ASPG: variants seen among roughly 807,000 people sequenced by gnomAD.
ASPG encodes asparaginase, also known as 60 kDa lysophospholipase.
A neutral mutation model predicts 63.2 loss-of-function variants in ASPG; 53 were observed. The ratio of observed to expected loss-of-function variants is 0.84; its 90% CI spans 0.67 to 1.05. The LOEUF (loss-of-function observed/expected upper bound fraction) is 1.05. ASPG is among the 50% of genes least tolerant of loss of function. The pLI is 0.00. For missense variants in ASPG, 741 were observed against 794.4 expected, an observed-to-expected ratio of 0.93 and a Z score of 0.81; for synonymous variants, 370 against 355.0, an observed-to-expected ratio of 1.04 and a Z score of -0.48.
intron 12 of ASPG, chr14:104,108,943 G>A (rs1302575314): frequency 4.1e-6 from 4 of 985,234 alleles, no homozygotes; most frequent in East Asian, 1.1e-4. Flanking sequence ...CCTCCCCTGG[G>A]TGCTGGGTGC....
chr14:104,093,448 G>C, intron 2 of ASPG, 43 bp from the exon 3 acceptor site: 3 of 1,520,694 alleles, frequency 2.0e-6, no homozygotes, highest in Non-Finnish European at 2.7e-6. Context: ...GAGGTGCAGA[G>C]CGGGAGCCTG....
In ASPG at chr14:104,104,506, G is replaced by A. The variant is rs1454838077; in HGVS notation, c.936+20G>A. ...GGCATGGTAGTGCCGGGAGATCAGG[G>A]CCTAGCGGGGAAGGGGACAGCCTGA... On this transcript the variant is annotated intron_variant, in intron 8 of 15. Coordinates refer to ENST00000551177, the MANE Select transcript of ASPG (RefSeq NM_001080464.3). 2 of 1,608,132 alleles carry A rather than the reference G, an allele frequency of 1.2e-6. No individual in the cohort carries two copies. The highest frequency in any genetic ancestry group is 1.7e-4 in the Middle Eastern group (1 of 6,046).
chr14:104,108,379 G>A (rs544784248), intron 12 of ASPG: 8 of 984,128 alleles, frequency 8.1e-6, no homozygotes, highest in East Asian at 1.1e-4. Context: ...CCGCCCCCTC[G>A]TCTCCTCCTG....
At chr14:104,094,816 C>A (rs922576020) in intron 3 of ASPG, among the ~76,000 whole-genome samples, 1 of 152,232 alleles carries the variant, frequency 6.6e-6, no homozygotes, top group African/African-American at 2.4e-5. Flanking sequence ...CGTCTTGCCG[C>A]GAGTGGCCAG....
At chr14:104,106,680 C>T in intron 10 of ASPG, 119 bp from the exon 11 acceptor site, 1 of 910,050 alleles carries the variant, frequency 1.1e-6, no homozygotes, top group Non-Finnish European at 1.7e-6. Context: ...TCACCCACGC[C>T]CTGGGATCTG....
intron 12 of ASPG, chr14:104,108,530 G>C (rs1017159920): frequency 3.0e-6 from 3 of 985,310 alleles, no homozygotes; most frequent in African/African-American, 1.7e-5. Context: ...CTATTCCCAG[G>C]CTCCCTAAAT....
intron 1 of ASPG, among the ~76,000 whole-genome samples, chr14:104,087,706 C>T (rs1479706344): frequency 2.0e-5 from 3 of 152,202 alleles, no homozygotes; most frequent in Non-Finnish European, 4.4e-5. Context: ...ACTGCAGTTT[C>T]GTTGAGCTCA....
chr14:104,097,818 T>C (rs2036663142), intron 5 of ASPG, among the ~76,000 whole-genome samples, 181 bp downstream of exon 5: 1 of 150,908 alleles, frequency 6.6e-6, no homozygotes, highest in Non-Finnish European at 1.5e-5. Flanking sequence ...AAGTTCTACG[T>C]TAGAGATACG....
intron 4 of ASPG, 97 bp downstream of exon 4, chr14:104,095,753 C>A: frequency 6.6e-7 from 1 of 1,505,798 alleles, no homozygotes; most frequent in Non-Finnish European, 9.0e-7. Flanking sequence ...CCCGGGCTTC[C>A]TGCTCAGCCC....
At position 104,110,607 on chromosome 14, in the gene ASPG, G is replaced by C. The variant is rs547869365; in HGVS notation, c.1521-895G>C. On this transcript the variant is annotated intron_variant, in intron 13 of 15. Transcript: ENST00000551177. The surrounding 1 kb of genome is among the most constrained non-coding windows in gnomAD (Gnocchi z 4.7). ...GGCTTGGCCTCTTGGAGCAGGTCCAGGAGGGGCCAGTGAGGCCATCCAGCA... is the reference window on the plus strand; with the variant it reads ...GGCTTGGCCTCTTGGAGCAGGTCCACGAGGGGCCAGTGAGGCCATCCAGCA... 1 of 985,352 alleles carries C rather than the reference G, an allele frequency of 1.0e-6. No individual in the cohort carries two copies. Among genetic ancestry groups the C allele is most frequent in the South Asian group, 4.7e-5 (1 of 21,290 alleles). 61.0% of individuals were successfully genotyped at this position (985,352 alleles called of 1,614,324 possible). A position where few individuals can be genotyped will look rare whatever the true frequency, so the allele number is the denominator to read the frequency against.
chr14:104,100,291 G>A (rs923545579), intron 6 of ASPG, among the ~76,000 whole-genome samples: 3 of 152,150 alleles, frequency 2.0e-5, no homozygotes, highest in Admixed American at 2.0e-4. Flanking sequence ...GGGGACAGGA[G>A]GGGCTCTGGG....
intron 1 of ASPG, 21 bp downstream of exon 1, chr14:104,085,873 G>A (rs1253877268): frequency 1.2e-5 from 19 of 1,571,434 alleles, no homozygotes; most frequent in Non-Finnish European, 1.6e-5. Context: ...GACCCTGGGC[G>A]GGGTAGGCCT....
intron 10 of ASPG, among the ~76,000 whole-genome samples, chr14:104,106,294 C>T (rs1244632939): frequency 6.6e-6 from 1 of 152,176 alleles, no homozygotes; most frequent in Non-Finnish European, 1.5e-5. Flanking sequence ...TGTGGTGGCC[C>T]CTGTGGGGCC....
chr14:104,105,032 C>T, intron 9 of ASPG: 2 of 581,344 alleles, frequency 3.4e-6, no homozygotes, highest in Admixed American at 6.5e-5. Flanking sequence ...CTGCTCTCCA[C>T]TCTTCCTCGA....
rs767022606 is a variant in ASPG at position 104,110,105 on chromosome 14, G to T, written c.1520+790G>T. 45 of 985,234 alleles carry T rather than the reference G, an allele frequency of 4.6e-5. No individual in the cohort carries two copies. Among genetic ancestry groups the T allele is most frequent in the Admixed American group, 1.2e-4 (2 of 16,264 alleles). The allele number at this position is 985,234 out of a possible 1,614,324, so 61.0% of individuals were successfully genotyped here. On this transcript the variant is annotated intron_variant, in intron 13 of 15. Transcript: ENST00000551177. The surrounding 1 kb of genome is among the most constrained non-coding windows in gnomAD (Gnocchi z 4.7). ...AGCCTGGGCTGCCCGAGGCCAGGAC[G>T]ACTCCGAGGGACCCAAAAAGGAGAG...
In ASPG at chr14:104,110,984, T is replaced by A. The variant is rs2037359957; in HGVS notation, c.1521-518T>A. 1.0e-6 allele frequency: 1 copy of A among 985,420 alleles called. No individual in the cohort carries two copies. The highest frequency in any genetic ancestry group is 1.7e-5 in the African/African-American group (1 of 57,356). 61.0% of individuals were successfully genotyped at this position (985,420 alleles called of 1,614,324 possible). ...CGGGGTCCAGGGCCAACCGTTATCC[T>A]GGGTTGCCTCCTGTGTCCCCCTCTC... On this transcript the variant is annotated intron_variant, in intron 13 of 15. Transcript: ENST00000551177. This position sits in a 1 kb window ranked among gnomAD's most constrained non-coding sequence, Gnocchi z 4.7.
rs966887121 is a variant in ASPG, at chr14:104,113,573, C to T, written c.*1029C>T. On this transcript the variant is annotated 3_prime_UTR_variant, in exon 16 of 16. Transcript: ENST00000551177. Reference sequence around the variant, plus strand: ...AGCATGGGGGCTGCCTCCCTCCAGGCCTCTCTACCTGCCCAGGTGACGGTT... The same window carrying T: ...AGCATGGGGGCTGCCTCCCTCCAGGTCTCTCTACCTGCCCAGGTGACGGTT... 8 of 152,512 alleles carry T rather than the reference C, an allele frequency of 5.2e-5. No homozygotes were observed. The highest frequency in any genetic ancestry group is 1.9e-4 in the African/African-American group (8 of 41,480). The allele number at this position is 152,512 out of a possible 1,614,324, so 9.4% of individuals were successfully genotyped here.
rs376996706 is a variant in ASPG, at chr14:104,106,784, G to A, written c.1174-15G>A. The A allele has an allele frequency of 3.8e-5, 60 of 1,576,604 alleles. No individual in the cohort carries two copies. The highest frequency in any genetic ancestry group is 1.7e-4 in the Middle Eastern group (1 of 5,926). ...AGGGAGGCGTGGGTCCCAGGGTGCC[G>A]CCTTCCCCACCTAGGAGGCAGATGC... On this transcript the variant is annotated splice_polypyrimidine_tract_variant and intron_variant, in intron 10 of 15. Coordinates refer to ENST00000551177, the MANE Select transcript of ASPG (RefSeq NM_001080464.3).
chr14:104,111,717 C>A, intron 14 of ASPG, 116 bp downstream of exon 14: 1 of 915,518 alleles, frequency 1.1e-6, no homozygotes, highest in Non-Finnish European at 1.7e-6. Context: ...CCCCCAAATG[C>A]CTGGCCCTCC....
Sources: allele counts gnomAD v4.1 joint callset (sites outside exome capture counted in the v4.1 genomes callset), GRCh38; gene constraint gnomAD v4.1.1; non-coding constraint Gnocchi (gnomAD v3.1); transcripts MANE v1.5; gene names NCBI Gene and HGNC (gene_info 2026-07-23, HGNC 2026-07-21).